Variants in BACE2 observed in about 807,000 individuals in gnomAD.
BACE2 encodes the protein beta-secretase 2.
Under a neutral mutation model 46.2 loss-of-function variants are expected in BACE2, and 17 were observed. The observed-to-expected ratio is 0.37, with a 90% CI of 0.25 to 0.55. The LOEUF is 0.55. BACE2 is among the 20% of genes least tolerant of loss of function. The pLI, the probability that BACE2 is intolerant of heterozygous loss-of-function variation, is 0.82. For synonymous variants in BACE2, 277 were observed against 295.9 expected, an observed-to-expected ratio of 0.94 and a Z score of 0.66; for missense variants, 595 against 698.1, an observed-to-expected ratio of 0.85 and a Z score of 1.66.
At chr21:41,184,243 C>G in intron 1 of BACE2, 1 of 167,130 alleles carries the variant, frequency 6.0e-6, no homozygotes. Flanking sequence ...ACTAAAAGAC[C>G]CTGAAACAGA....
chr21:41,275,387 A>T lies in BACE2; in HGVS notation c.1320A>T (p.Ala440=). 1.2e-6 allele frequency: 2 copies of T among 1,614,182 alleles called. No individual in the cohort carries two copies. The highest frequency in any genetic ancestry group is 2.2e-5 in the South Asian group (2 of 91,090). The change falls in exon 9 of 9, where the codon GCA becomes GCT. Residue 440 remains alanine, a synonymous_variant. Transcript: ENST00000330333. ...ASPCAEIAGA[A]VSEISGPFST... is the part of the protein sequence containing the mutation. ...TCTCCCCAGAAATTGCAGGTGCTGCAGTGTCTGAAATTTCCGGGCCTTTCT... is the reference window on the plus strand; with the variant it reads ...TCTCCCCAGAAATTGCAGGTGCTGCTGTGTCTGAAATTTCCGGGCCTTTCT...
At chr21:41,215,892 G>GGTGTGT (rs143517319) in intron 1 of BACE2, among the ~76,000 whole-genome samples, 1 of 151,646 alleles carries the variant, frequency 6.6e-6, no homozygotes, top group African/African-American at 2.4e-5. Flanking sequence ...GGGCTAGGCT[G>GGTGTGT]GTGTGTGTGT....
chr21:41,172,596 T>A (rs1044060146), intron 1 of BACE2, among the ~76,000 whole-genome samples: 2 of 152,214 alleles, frequency 1.3e-5, no homozygotes, highest in African/African-American at 4.8e-5. Flanking sequence ...CGTTCCTCCT[T>A]AGGTGCAGTG....
intron 7 of BACE2, among the ~76,000 whole-genome samples, chr21:41,254,090 C>T (rs561839521): frequency 6.6e-6 from 1 of 152,156 alleles, no homozygotes; most frequent in Admixed American, 6.5e-5. Context: ...CTACCTGGGA[C>T]CTCTCAAACA....
At chr21:41,222,107 C>T (rs1369579497) in intron 1 of BACE2, among the ~76,000 whole-genome samples, 1 of 152,222 alleles carries the variant, frequency 6.6e-6, no homozygotes, top group African/African-American at 2.4e-5. Flanking sequence ...TTGAGCAAGT[C>T]AGACTCTCTG....
intron 1 of BACE2, chr21:41,179,833 T>C: frequency 2.4e-6 from 1 of 419,894 alleles, no homozygotes. Context: ...TCCAGAAATG[T>C]CCCTGACACA....
chr21:41,232,567 C>G (rs538042884), intron 2 of BACE2, among the ~76,000 whole-genome samples: 2 of 152,282 alleles, frequency 1.3e-5, no homozygotes, highest in Admixed American at 1.3e-4. Context: ...GCTTGTTGCT[C>G]TCATCAAGGT....
intron 1 of BACE2, among the ~76,000 whole-genome samples, chr21:41,222,159 C>T (rs1197712761): frequency 6.6e-6 from 1 of 152,206 alleles, no homozygotes; most frequent in East Asian, 1.9e-4. Context: ...GAGGACTGTG[C>T]TGCCCTCAGA....
chr21:41,168,497 G>A lies in BACE2; in HGVS notation c.234G>A (p.Leu78=). Residue 78 remains leucine, a synonymous_variant, in exon 1 of 9, where the codon TTG becomes TTA. Coordinates refer to ENST00000330333, the MANE Select transcript of BACE2 (RefSeq NM_012105.5). The stretch of plus-strand genomic sequence containing the variant: ...CCCCCGCGGGCGCCGCCAACTTCTT[G>A]GCCATGGTAGACAACCTGCAGGGGG... ...LASPAGAANF[L]AMVDNLQGDS... is the part of the protein sequence containing the mutation. 7.2e-7 allele frequency: 1 copy of A among 1,386,732 alleles called. No individual in the cohort carries two copies. 85.9% of individuals were successfully genotyped at this position (1,386,732 alleles called of 1,614,324 possible).
intron 2 of BACE2, among the ~76,000 whole-genome samples, chr21:41,226,930 A>G (rs1374096726): frequency 6.6e-6 from 1 of 152,188 alleles, no homozygotes; most frequent in African/African-American, 2.4e-5. Context: ...CACATGAGCA[A>G]TTATGGGGTG....
At position 41,168,449 on chromosome 21, in the gene BACE2, C is replaced by A. The variant is rs1984461982; in HGVS notation, c.186C>A (p.Leu62=). Residue 62 remains leucine, a synonymous_variant, in exon 1 of 9, where the codon CTC becomes CTA. Coordinates refer to ENST00000330333, the MANE Select transcript of BACE2 (RefSeq NM_012105.5). The stretch of plus-strand genomic sequence containing the variant: ...AGCGCCACGCCGACGGCTTGGCGCT[C>A]GCCCTGGAGCCTGCCCTGGCGTCCC... ...PAERHADGLA[L]ALEPALASPA... is the part of the protein sequence containing the mutation. 7.2e-7 allele frequency: 1 copy of A among 1,393,092 alleles called. No individual in the cohort carries two copies. Among genetic ancestry groups the A allele is most frequent in the Non-Finnish European group, 9.3e-7 (1 of 1,071,158 alleles). The allele number at this position is 1,393,092 out of a possible 1,614,324, so 86.3% of individuals were successfully genotyped here.
intron 1 of BACE2, among the ~76,000 whole-genome samples, chr21:41,187,159 G>C (rs1360476881): frequency 1.3e-5 from 2 of 152,194 alleles, no homozygotes; most frequent in Admixed American, 1.3e-4. Context: ...TCCCCACTGG[G>C]GAACTCTGAG....
intron 1 of BACE2, chr21:41,180,870 C>T (rs1461625502): frequency 6.0e-6 from 1 of 167,096 alleles, no homozygotes; most frequent in African/African-American, 2.4e-5. Flanking sequence ...TAATCCAATG[C>T]TAGTCTGTTA....
chr21:41,250,358 A>G (rs935872847), intron 6 of BACE2, among the ~76,000 whole-genome samples: 5 of 152,188 alleles, frequency 3.3e-5, no homozygotes, highest in African/African-American at 1.2e-4. Flanking sequence ...GGGGGCCACA[A>G]TTAGGATTTC....
At chr21:41,267,691 C>A (rs2088392458) in intron 8 of BACE2, among the ~76,000 whole-genome samples, 1 of 152,096 alleles carries the variant, frequency 6.6e-6, no homozygotes, top group African/African-American at 2.4e-5. Flanking sequence ...GATACCAAAG[C>A]CAGGGGACCC....
intron 8 of BACE2, among the ~76,000 whole-genome samples, chr21:41,261,168 T>C (rs929424341): frequency 6.6e-6 from 1 of 152,254 alleles, no homozygotes; most frequent in African/African-American, 2.4e-5. Context: ...ATGGAATTTC[T>C]AAATGATTTA....
intron 1 of BACE2, chr21:41,182,029 C>T (rs1985146710): frequency 6.0e-6 from 1 of 167,066 alleles, no homozygotes; most frequent in African/African-American, 2.4e-5. Flanking sequence ...CTATACCCAA[C>T]AAGCCCACAG....
intron 1 of BACE2, among the ~76,000 whole-genome samples, chr21:41,191,994 T>C (rs985656469): frequency 9.2e-5 from 14 of 152,238 alleles, no homozygotes; most frequent in Non-Finnish European, 1.5e-4. Flanking sequence ...AGCCAAACCA[T>C]TGGCTACGGC....
intron 1 of BACE2, among the ~76,000 whole-genome samples, chr21:41,170,344 C>T (rs779053583): frequency 3.3e-5 from 5 of 152,020 alleles, no homozygotes; most frequent in Admixed American, 6.5e-5. Context: ...CTGTCTTTAC[C>T]GTAGCCAAGG....
Sources: allele counts gnomAD v4.1 joint callset (sites outside exome capture counted in the v4.1 genomes callset), GRCh38; gene constraint gnomAD v4.1.1; transcripts MANE v1.5; gene names NCBI Gene and HGNC (gene_info 2026-07-23, HGNC 2026-07-21).